MACROD2: variants seen among roughly 807,000 people sequenced by gnomAD.
MACROD2 encodes the protein mono-ADP ribosylhydrolase 2, also known as ADP-ribose glycohydrolase MACROD2.
MACROD2 carries 36 observed loss-of-function variants against 70.4 expected under a neutral mutation model. That is an observed-to-expected ratio of 0.51 (90% confidence interval 0.39 to 0.68). The LOEUF is 0.68. MACROD2 is among the 30% of genes least tolerant of loss of function. MACROD2 has a pLI of 0.00. For missense variants in MACROD2, 496 were observed against 538.4 expected (o/e 0.92, Z 0.78); for synonymous variants, 172 against 178.8 (o/e 0.96, Z 0.30).
At chr20:15,007,845 GGC>G (rs1203959121) in intron 5 of MACROD2, among the ~76,000 whole-genome samples, 2 of 152,190 alleles carry the variant, frequency 1.3e-5, no homozygotes, top group African/African-American at 4.8e-5. Context: ...TCTGGGGCCA[GGC>G]TTGCCCATCC....
At chr20:14,779,397 T>C (rs547084292) in intron 5 of MACROD2, among the ~76,000 whole-genome samples, 14 of 152,240 alleles carry the variant, frequency 9.2e-5, no homozygotes, top group African/African-American at 3.4e-4. Flanking sequence ...ATTCACGAGC[T>C]AATCACATTT....
intron 3 of MACROD2, among the ~76,000 whole-genome samples, chr20:14,209,543 C>T (rs2081554116): frequency 6.6e-6 from 1 of 152,090 alleles, no homozygotes; most frequent in African/African-American, 2.4e-5. Flanking sequence ...AAAGAATAGA[C>T]TTCAAAATAT....
At chr20:15,427,625 A>G (rs1355831492) in intron 6 of MACROD2, among the ~76,000 whole-genome samples, 1 of 152,186 alleles carries the variant, frequency 6.6e-6, no homozygotes, top group Non-Finnish European at 1.5e-5. Flanking sequence ...CTACAGACAC[A>G]GTGAGGAACT....
At chr20:15,279,117 A>G (rs1482990537) in intron 6 of MACROD2, among the ~76,000 whole-genome samples, 1 of 152,208 alleles carries the variant, frequency 6.6e-6, no homozygotes, top group African/African-American at 2.4e-5. Flanking sequence ...GGAAACTTGA[A>G]GGTACGAGTT....
intron 3 of MACROD2, among the ~76,000 whole-genome samples, chr20:14,300,473 G>A (rs982391104): frequency 1.3e-5 from 2 of 152,168 alleles, no homozygotes; most frequent in Non-Finnish European, 2.9e-5. Flanking sequence ...TGTTGTTGTT[G>A]TTGTTGTCGT....
chr20:14,612,477 A>G (rs1268009422), intron 4 of MACROD2, among the ~76,000 whole-genome samples: 2 of 152,254 alleles, frequency 1.3e-5, no homozygotes, highest in Middle Eastern at 3.4e-3. Flanking sequence ...GGTAAATCAC[A>G]TAATTATTAT....
chr20:16,049,796 T>G (rs1477362988), intron 17 of MACROD2, 34 bp from the exon 18 acceptor site: 2 of 1,611,734 alleles, frequency 1.2e-6, no homozygotes, highest in East Asian at 4.5e-5. Context: ...ATGTCTTATC[T>G]TTAATCTAAC....
intron 8 of MACROD2, among the ~76,000 whole-genome samples, chr20:15,753,588 T>C (rs1485395472): frequency 6.6e-6 from 1 of 152,216 alleles, no homozygotes; most frequent in Non-Finnish European, 1.5e-5. Flanking sequence ...CAAGTACTTA[T>C]GTCTTTGTGG....
intron 10 of MACROD2, among the ~76,000 whole-genome samples, chr20:15,887,474 T>G (rs1265488031): frequency 6.6e-6 from 1 of 152,166 alleles, no homozygotes; most frequent in African/African-American, 2.4e-5. Context: ...TGGTGCTTGC[T>G]GTTATTTTAT....
intron 7 of MACROD2, among the ~76,000 whole-genome samples, chr20:15,461,953 T>C (rs1305452138): frequency 1.3e-5 from 2 of 152,130 alleles, no homozygotes; most frequent in African/African-American, 4.8e-5. Context: ...ATTTTTTTTT[T>C]CTTTACTATT....
chr20:15,301,160 A>C (rs911801175), intron 6 of MACROD2, among the ~76,000 whole-genome samples: 1 of 152,210 alleles, frequency 6.6e-6, no homozygotes, highest in Non-Finnish European at 1.5e-5. Flanking sequence ...CACTCCTTCC[A>C]CTGGGAGGGT....
Position 15,925,561 on chromosome 20 carries a change from G to A in MACROD2, c.776-7715G>A, listed in dbSNP as rs534459839. ...TATTTTTATATCAAGATATGCCACG[G>A]CAAGTTTTGGTACGCTTGGGTCATA... On this transcript the variant is annotated intron_variant, in intron 10 of 17. Coordinates refer to ENST00000684519, the MANE Select transcript of MACROD2 (RefSeq NM_001351661.2). Among the ~76,000 whole-genome samples, 43 of 152,260 alleles carry A rather than the reference G, an allele frequency of 2.8e-4. 1 individual carries two copies. The highest frequency in any genetic ancestry group is 8.2e-4 in the African/African-American group (34 of 41,540).
intron 5 of MACROD2, among the ~76,000 whole-genome samples, chr20:14,696,186 CGATA>C (rs202111628): frequency 2.6e-5 from 4 of 151,920 alleles, no homozygotes; most frequent in Admixed American, 6.6e-5. Flanking sequence ...ATAGATAGAT[CGATA>C]GATAGATAGA....
chr20:14,493,535 A>G (rs2084817921), intron 4 of MACROD2, 27 bp downstream of exon 4: 2 of 1,587,292 alleles, frequency 1.3e-6, no homozygotes, highest in East Asian at 4.5e-5. Context: ...ACTTAACTTA[A>G]AATACATTTT....
chr20:15,197,136 G>C, intron 5 of MACROD2: 1 of 437,764 alleles, frequency 2.3e-6, no homozygotes, highest in Non-Finnish European at 3.0e-6. Context: ...CCCCATATAT[G>C]AGTGACTCTT....
chr20:15,932,002 G>A (rs1225302222), intron 10 of MACROD2, among the ~76,000 whole-genome samples: 1 of 152,116 alleles, frequency 6.6e-6, no homozygotes, highest in Non-Finnish European at 1.5e-5. Flanking sequence ...GCGGGTCAAA[G>A]CACTCAAGCA....
chr20:14,237,415 A>C (rs993749574), intron 3 of MACROD2, among the ~76,000 whole-genome samples: 1 of 151,438 alleles, frequency 6.6e-6, no homozygotes, highest in Admixed American at 6.6e-5. Context: ...TCATCTTTTC[A>C]TTCTTATACC....
chr20:15,662,271 T>A (rs954712672), intron 8 of MACROD2, among the ~76,000 whole-genome samples: 4 of 152,208 alleles, frequency 2.6e-5, no homozygotes, highest in African/African-American at 4.8e-5. Flanking sequence ...ATCTACTGTA[T>A]CAGTATCCCC....
intron 8 of MACROD2, among the ~76,000 whole-genome samples, chr20:15,613,808 AG>A (rs1293244978): frequency 6.6e-6 from 1 of 152,190 alleles, no homozygotes; most frequent in Non-Finnish European, 1.5e-5. Flanking sequence ...AGAATGTAGG[AG>A]GGTGGAAAGT....
Sources: gnomAD v4.1 joint callset for allele counts (sites outside exome capture counted in the v4.1 genomes callset) on GRCh38, gnomAD v4.1.1 for gene constraint, MANE v1.5 for transcripts, NCBI Gene and HGNC (gene_info 2026-07-23, HGNC 2026-07-21) for gene names.